Variants in DLG2 observed in about 807,000 individuals in gnomAD.
DLG2 encodes disks large homolog 2.
A neutral mutation model predicts 132.5 loss-of-function variants in DLG2; 45 were observed. That is an observed-to-expected ratio of 0.34 (90% CI 0.27 to 0.44). The LOEUF (loss-of-function observed/expected upper bound fraction) is 0.44. Among genes scored for constraint, DLG2 ranks in the 20% least tolerant of loss-of-function variants. DLG2 has a pLI of 1.00. For synonymous variants in DLG2, 424 were observed against 419.6 expected (o/e 1.01, Z -0.13); for missense variants, 1,045 against 1,196.9 (o/e 0.87, Z 1.87).
intron 21 of DLG2, among the ~76,000 whole-genome samples, chr11:83,518,230 C>T (rs1441626678): frequency 6.6e-6 from 1 of 152,218 alleles, no homozygotes. Flanking sequence ...GCGGGAGCCC[C>T]TCCCCCAGCC....
chr11:85,255,917 G>A (rs892736274), intron 4 of DLG2, among the ~76,000 whole-genome samples: 5 of 152,140 alleles, frequency 3.3e-5, no homozygotes, highest in Non-Finnish European at 5.9e-5. Flanking sequence ...TCCTGTAATC[G>A]CTGTTAATAA....
At chr11:84,774,739 A>G (rs1393583500) in intron 6 of DLG2, among the ~76,000 whole-genome samples, 2 of 152,152 alleles carry the variant, frequency 1.3e-5, no homozygotes, top group South Asian at 4.1e-4. Context: ...TGCTATCCAT[A>G]TGCAGAAGAA....
At chr11:85,366,729 A>T (rs2152909219) in intron 3 of DLG2, among the ~76,000 whole-genome samples, 1 of 152,240 alleles carries the variant, frequency 6.6e-6, no homozygotes, top group Non-Finnish European at 1.5e-5. Context: ...ATACATTTTG[A>T]TGTATATATA....
At chr11:84,977,451 G>C (rs1034899943) in intron 6 of DLG2, among the ~76,000 whole-genome samples, 1 of 152,092 alleles carries the variant, frequency 6.6e-6, no homozygotes, top group African/African-American at 2.4e-5. Context: ...CTTGTTGTGA[G>C]ATGAAGATTT....
chr11:83,718,063 CA>C (rs1241098606), intron 18 of DLG2, among the ~76,000 whole-genome samples: 1 of 152,252 alleles, frequency 6.6e-6, no homozygotes, highest in East Asian at 1.9e-4. Flanking sequence ...CTCAGGGGGA[CA>C]AAGACAAGTG....
At chr11:84,654,635 A>G (rs761814493) in intron 6 of DLG2, among the ~76,000 whole-genome samples, 7 of 152,168 alleles carry the variant, frequency 4.6e-5, no homozygotes, top group Non-Finnish European at 8.8e-5. Context: ...CTGAATTGTA[A>G]TATTTATTCA....
intron 6 of DLG2, among the ~76,000 whole-genome samples, chr11:85,062,597 A>G (rs1005478490): frequency 5.3e-5 from 8 of 151,618 alleles, no homozygotes; most frequent in African/African-American, 1.9e-4. Flanking sequence ...ACAGCTTGTT[A>G]GGGCAAAGAA....
At chr11:85,341,885 A>G (rs1393423955) in intron 3 of DLG2, among the ~76,000 whole-genome samples, 1 of 152,220 alleles carries the variant, frequency 6.6e-6, no homozygotes, top group Non-Finnish European at 1.5e-5. Context: ...ACTGTAGGCA[A>G]TTATAGAACA....
chr11:84,785,606 A>G (rs371051854), intron 6 of DLG2, among the ~76,000 whole-genome samples: 89 of 152,162 alleles, frequency 5.8e-4, no homozygotes, highest in African/African-American at 2.0e-3. Flanking sequence ...TTGAAATTGT[A>G]TAGAACCAAC....
intron 6 of DLG2, among the ~76,000 whole-genome samples, chr11:84,666,703 C>A (rs1410347788): frequency 6.6e-6 from 1 of 151,920 alleles, no homozygotes; most frequent in Non-Finnish European, 1.5e-5. Context: ...TACATAAACA[C>A]ATTTTTACAA....
chr11:84,428,270 T>A (rs1308748616), intron 7 of DLG2, among the ~76,000 whole-genome samples: 1 of 152,180 alleles, frequency 6.6e-6, no homozygotes, highest in African/African-American at 2.4e-5. Context: ...AGAACTTACA[T>A]ATTTTGAATA....
intron 6 of DLG2, among the ~76,000 whole-genome samples, chr11:84,936,383 A>G (rs964870495): frequency 6.6e-6 from 1 of 152,208 alleles, no homozygotes; most frequent in Non-Finnish European, 1.5e-5. Context: ...ATGAAACAAA[A>G]GCCTTAAACA....
At chr11:85,264,147 G>T (rs2077085360) in intron 4 of DLG2, among the ~76,000 whole-genome samples, 1 of 152,148 alleles carries the variant, frequency 6.6e-6, no homozygotes, top group South Asian at 2.1e-4. Context: ...CCTCTTCCTT[G>T]TTGTTGATTG....
chr11:85,509,425 G>T (rs114108051), intron 3 of DLG2, among the ~76,000 whole-genome samples: 1 of 152,020 alleles, frequency 6.6e-6, no homozygotes, highest in Admixed American at 6.6e-5. Context: ...TTACTACACA[G>T]TACAAGGCAC....
chr11:85,623,899 C>T (rs1042019920), intron 2 of DLG2, among the ~76,000 whole-genome samples: 9 of 152,326 alleles, frequency 5.9e-5, no homozygotes, highest in Middle Eastern at 3.4e-3. Context: ...TTATAACACA[C>T]TATGGTCTTG....
intron 6 of DLG2, among the ~76,000 whole-genome samples, chr11:84,758,327 T>C (rs1565887610): frequency 6.6e-6 from 1 of 152,216 alleles, no homozygotes; most frequent in African/African-American, 2.4e-5. Context: ...AGAACTTGAG[T>C]TGAATTCTGG....
At chr11:85,137,835 C>A (rs918081334) in intron 5 of DLG2, among the ~76,000 whole-genome samples, 3 of 152,120 alleles carry the variant, frequency 2.0e-5, no homozygotes, top group African/African-American at 4.8e-5. Context: ...AAATAGACTG[C>A]AGGCAGGTCA....
chr11:84,586,703 T>C (rs1042492936), intron 6 of DLG2, among the ~76,000 whole-genome samples: 4 of 152,142 alleles, frequency 2.6e-5, no homozygotes, highest in African/African-American at 9.6e-5. Flanking sequence ...CTTTTTTGAT[T>C]GATTAGAATT....
chr11:84,042,729 T>C (rs1286679072), intron 11 of DLG2, among the ~76,000 whole-genome samples: 2 of 151,882 alleles, frequency 1.3e-5, no homozygotes, highest in Non-Finnish European at 2.9e-5. Flanking sequence ...TCATGTCCTT[T>C]AGAGGGGCAT....
Sources: gnomAD v4.1 joint callset for allele counts (sites outside exome capture counted in the v4.1 genomes callset) on GRCh38, gnomAD v4.1.1 for gene constraint, MANE v1.5 for transcripts, NCBI Gene and HGNC (gene_info 2026-07-23, HGNC 2026-07-21) for gene names.